The following ABLIM3 variants were observed in gnomAD, a reference collection of about 807,000 sequenced individuals.
The protein encoded by ABLIM3 is actin binding LIM protein family member 3, also known as actin-binding LIM protein 3.
Under a neutral mutation model 109.5 loss-of-function variants are expected in ABLIM3, and 61 were observed. That is an observed-to-expected ratio of 0.56 (90% CI 0.45 to 0.69). The LOEUF (loss-of-function observed/expected upper bound fraction) is 0.69. Among genes scored for constraint, ABLIM3 ranks in the 30% least tolerant of loss-of-function variants. The pLI is 0.00. For missense variants in ABLIM3, 796 were observed against 889.5 expected, an observed-to-expected ratio of 0.89 and a Z score of 1.34; for synonymous variants, 300 against 324.8, an observed-to-expected ratio of 0.92 and a Z score of 0.82.
intron 2 of ABLIM3, among the ~76,000 whole-genome samples, chr5:149,173,523 A>G (rs1431039528): frequency 2.0e-5 from 3 of 152,110 alleles, no homozygotes; most frequent in South Asian, 4.1e-4. Flanking sequence ...AAGATGGGAA[A>G]GTGGATGAGA....
chr5:149,196,934 T>C (rs554676473), intron 3 of ABLIM3, among the ~76,000 whole-genome samples: 20 of 152,238 alleles, frequency 1.3e-4, no homozygotes, highest in Non-Finnish European at 2.5e-4. Context: ...TTGTCCTACA[T>C]TTATTTCTCC....
rs55707887 is a variant in ABLIM3 at position 149,248,859 on chromosome 5, G to GACACACACACACAC, written c.1700-929_1700-916dup. On this transcript the variant is annotated intron_variant, in intron 18 of 23. Coordinates refer to ENST00000309868, the MANE Select transcript of ABLIM3 (RefSeq NM_014945.5). Reference sequence around the variant, plus strand: ...TCATTGCAAGCTCCTCCTATTCCTGGACACACACACACACACACACACACA... The same window carrying GACACACACACACAC: ...TCATTGCAAGCTCCTCCTATTCCTGGACACACACACACACACACACACACACACACACACACACA... 2.1e-3 allele frequency among the ~76,000 whole-genome samples: 298 copies of GACACACACACACAC among 144,688 alleles called. 2 individuals carry two copies. The highest frequency in any genetic ancestry group is 7.0e-3 in the African/African-American group (266 of 38,008). 94.9% of individuals were successfully genotyped at this position (144,688 alleles called of 152,430 possible).
chr5:149,226,491 A>G (rs953714210), intron 8 of ABLIM3, among the ~76,000 whole-genome samples: 27 of 152,198 alleles, frequency 1.8e-4, no homozygotes, highest in Non-Finnish European at 3.5e-4. Context: ...TCAAAACAAA[A>G]AAAGAAATCC....
Position 149,200,591 on chromosome 5 carries a change from C to T in ABLIM3, c.448+163C>T, listed in dbSNP as rs929276007. The T allele has an allele frequency of 6.2e-6, 4 of 645,604 alleles. No homozygotes were observed. In the East Asian group the frequency reaches 1.1e-4, roughly 18 times the overall value. The allele number at this position is 645,604 out of a possible 1,614,324, so 40.0% of individuals were successfully genotyped here. Reference sequence around the variant, plus strand: ...ACCCCATTGGCATGTGGCCCAGACTCACAAGCTTCACAAGCACAATGCAGG... The same window carrying T: ...ACCCCATTGGCATGTGGCCCAGACTTACAAGCTTCACAAGCACAATGCAGG... On this transcript the variant is annotated intron_variant, in intron 5 of 23. Transcript: ENST00000309868.
intron 10 of ABLIM3, among the ~76,000 whole-genome samples, chr5:149,235,558 A>T (rs910434187): frequency 6.6e-6 from 1 of 152,200 alleles, no homozygotes. Flanking sequence ...ATAGGAAGAA[A>T]TATAAATTTA....
chr5:149,254,272 C>T (rs1288996914), intron 23 of ABLIM3, among the ~76,000 whole-genome samples: 1 of 152,080 alleles, frequency 6.6e-6, no homozygotes, highest in African/African-American at 2.4e-5. Context: ...CTCCAACCCT[C>T]CTATAGGAGG....
intron 7 of ABLIM3, among the ~76,000 whole-genome samples, chr5:149,213,785 A>G (rs1460341263): frequency 6.6e-6 from 1 of 150,618 alleles, no homozygotes; most frequent in Non-Finnish European, 1.5e-5. Context: ...CATTTCTACA[A>G]GGCTCCATTA....
At chr5:149,233,017 T>A (rs1454100452) in intron 9 of ABLIM3, among the ~76,000 whole-genome samples, 3 of 151,960 alleles carry the variant, frequency 2.0e-5, no homozygotes, top group African/African-American at 7.3e-5. Flanking sequence ...TAAATCCATA[T>A]TCCACCCCTA....
chr5:149,205,424 T>G (rs1468868286), intron 5 of ABLIM3, among the ~76,000 whole-genome samples: 1 of 152,122 alleles, frequency 6.6e-6, no homozygotes, highest in African/African-American at 2.4e-5. Flanking sequence ...CTATGGAATT[T>G]TTAGGCCCTG....
chr5:149,177,090 G>A (rs982390535), intron 2 of ABLIM3: 5 of 152,202 alleles, frequency 3.3e-5, no homozygotes, highest in African/African-American at 1.2e-4. Flanking sequence ...CTGCAAGTAT[G>A]AATGAAACAA....
chr5:149,160,131 T>C (rs1222302799), intron 2 of ABLIM3, among the ~76,000 whole-genome samples: 1 of 152,136 alleles, frequency 6.6e-6, no homozygotes, highest in East Asian at 1.9e-4. Flanking sequence ...TTTTATTCAC[T>C]GGAGTATCCC....
In ABLIM3 at chr5:149,259,968, G is replaced by A. The variant is rs553811870; in HGVS notation, c.*1564G>A. 1.4e-4 allele frequency: 32 copies of A among 233,640 alleles called. No individual in the cohort carries two copies. The highest frequency in any genetic ancestry group is 2.4e-4 in the Non-Finnish European group (28 of 118,292). 14.5% of individuals were successfully genotyped at this position (233,640 alleles called of 1,614,324 possible). ...CACGGGGTGAGTCAACCTGGGACTC[G>A]GTCTCAGGGATATGCCTACCAATAG... On this transcript the variant is annotated 3_prime_UTR_variant, in exon 24 of 24. Coordinates refer to ENST00000309868, the MANE Select transcript of ABLIM3 (RefSeq NM_014945.5).
rs373644127 is a variant in ABLIM3 at position 149,258,359 on chromosome 5, C to G, written c.2007C>G (p.Ala669=). 1.8e-5 allele frequency: 29 copies of G among 1,613,940 alleles called. No individual in the cohort carries two copies. The South Asian group carries it at 2.7e-4, about 15-fold the overall frequency. Residue 669 remains alanine (A), a synonymous_variant, in exon 24 of 24, where the codon GCC becomes GCG. Coordinates refer to ENST00000309868, the MANE Select transcript of ABLIM3 (RefSeq NM_014945.5). ...CCATCTCTGAGTTTGACCGGCTGGCCCTCTGGAAGAGGAATGAACTGAAGA... is the reference window on the plus strand; with the variant it reads ...CCATCTCTGAGTTTGACCGGCTGGCGCTCTGGAAGAGGAATGAACTGAAGA... ...GMTISEFDRL[A]LWKRNELKKQ...
intron 8 of ABLIM3, chr5:149,219,510 G>A (rs1295423055): frequency 6.6e-6 from 1 of 152,298 alleles, no homozygotes; most frequent in Non-Finnish European, 1.5e-5. Flanking sequence ...TAGACCCAGA[G>A]AAAAGAAGAG....
intron 2 of ABLIM3, among the ~76,000 whole-genome samples, chr5:149,158,304 A>G (rs530437448): frequency 8.5e-5 from 13 of 152,354 alleles, no homozygotes; most frequent in South Asian, 6.2e-4. Flanking sequence ...TTACAAATCC[A>G]TGTGTGCTCC....
intron 2 of ABLIM3, among the ~76,000 whole-genome samples, chr5:149,152,751 A>T (rs1003107871): frequency 6.6e-6 from 1 of 152,132 alleles, no homozygotes; most frequent in African/African-American, 2.4e-5. Flanking sequence ...CATCTAGTCA[A>T]CAGCATGAGC....
intron 14 of ABLIM3, among the ~76,000 whole-genome samples, 166 bp from the exon 15 acceptor site, chr5:149,242,325 T>C (rs943245469): frequency 3.3e-5 from 5 of 152,208 alleles, no homozygotes; most frequent in Admixed American, 2.6e-4. Flanking sequence ...AAAGTTCAAC[T>C]TTGGAAGAGG....
intron 6 of ABLIM3, 121 bp from the exon 7 acceptor site, chr5:149,210,605 A>T: frequency 1.3e-6 from 1 of 776,784 alleles, no homozygotes; most frequent in Non-Finnish European, 2.3e-6. Flanking sequence ...ATTGTTTATT[A>T]AAGGAGAAGT....
chr5:149,185,379 T>C (rs1256623669), intron 3 of ABLIM3, among the ~76,000 whole-genome samples: 3 of 152,142 alleles, frequency 2.0e-5, no homozygotes, highest in Admixed American at 6.5e-5. Context: ...CCAAGTACAA[T>C]GAGAGAACAA....
Sources: gnomAD v4.1 joint callset for allele counts (sites outside exome capture counted in the v4.1 genomes callset) on GRCh38, gnomAD v4.1.1 for gene constraint, MANE v1.5 for transcripts, NCBI Gene and HGNC (gene_info 2026-07-23, HGNC 2026-07-21) for gene names.